Variants in ZNF33B observed in about 807,000 individuals in gnomAD.
The protein encoded by ZNF33B is zinc finger protein 11b (KOX 2).
In ZNF33B, 29 loss-of-function variants were observed where a neutral mutation model predicts 45.8. The ratio of observed to expected loss-of-function variants is 0.63; its 90% CI spans 0.47 to 0.86. The LOEUF is 0.86. ZNF33B is among the 40% of genes least tolerant of loss of function. ZNF33B has a pLI of 0.00. For synonymous variants in ZNF33B, 305 were observed against 307.8 expected, an observed-to-expected ratio of 0.99 and a Z score of 0.10; for missense variants, 831 against 909.9, an observed-to-expected ratio of 0.91 and a Z score of 1.12.
chr10:42,605,670 A>C (rs1837810726), intron 4 of ZNF33B, among the ~76,000 whole-genome samples: 3 of 152,184 alleles, frequency 2.0e-5, no homozygotes, highest in Non-Finnish European at 4.4e-5. Flanking sequence ...GGTAAAGGCA[A>C]TGATACGAGA....
At chr10:42,627,423 T>C (rs534296831) in intron 4 of ZNF33B, among the ~76,000 whole-genome samples, 2 of 152,360 alleles carry the variant, frequency 1.3e-5, no homozygotes, top group Admixed American at 1.3e-4. Flanking sequence ...TCATCTCATT[T>C]TATATTTTTA....
chr10:42,594,225 G>A lies in ZNF33B; in HGVS notation c.725C>T (p.Ala242Val). Reference protein sequence around the residue: ...AVFNTRKRENAEENNCDYNEF... With the variant: ...AVFNTRKRENVEENNCDYNEF... ...ATTATAGTCACAGTTATTCTCTTCT[G>A]CATTCTCTCTCTTCCGTGTATTGAA... Residue 242 changes from alanine (A) to valine (V), a missense_variant, in exon 5 of 5, where the codon GCA becomes GTA. By Grantham distance (64) the Ala-to-Val change is moderately conservative (BLOSUM62 0). Transcript: ENST00000359467. 1 of 1,613,638 alleles carries A rather than the reference G, an allele frequency of 6.2e-7. No homozygotes were observed. Among genetic ancestry groups the A allele is most frequent in the Non-Finnish European group, 8.5e-7 (1 of 1,179,896 alleles).
In ZNF33B at chr10:42,594,021, A is replaced by C; in HGVS notation, c.929T>G (p.Phe310Cys). The C allele has an allele frequency of 1.9e-6, 3 of 1,614,068 alleles. No individual in the cohort carries two copies. Among genetic ancestry groups the C allele is most frequent in the Non-Finnish European group, 2.5e-6 (3 of 1,179,960 alleles). ...HYDCGESGNN[F>C]RRKLCLSQLQ... is the part of the protein sequence containing the mutation. ...CTGTGACAGACACAATTTCCTCCTG[A>C]AATTATTCCCACTTTCACCACAATC... Residue 310 changes from phenylalanine (F) to cysteine (C), a missense_variant, in exon 5 of 5, where the codon TTC becomes TGC. By Grantham distance (205) the Phe-to-Cys change is radical. Coordinates refer to ENST00000359467, the MANE Select transcript of ZNF33B (RefSeq NM_006955.3).
chr10:42,581,205 G>A (rs948295749), intron 1 of ZNF33B, among the ~76,000 whole-genome samples: 19 of 152,060 alleles, frequency 1.2e-4, no homozygotes, highest in African/African-American at 4.6e-4. Flanking sequence ...TGTGGCCCGG[G>A]CTGGGGGCAG....
At chr10:42,623,286 T>C (rs755439810) in intron 4 of ZNF33B, among the ~76,000 whole-genome samples, 29 of 152,182 alleles carry the variant, frequency 1.9e-4, no homozygotes, top group Non-Finnish European at 3.4e-4. Context: ...TCTGTGTATA[T>C]ATACACATTA....
downstream of ZNF33B, among the ~76,000 whole-genome samples, chr10:42,585,125 C>G (rs1240053912): frequency 6.6e-6 from 1 of 152,228 alleles, no homozygotes; most frequent in East Asian, 1.9e-4. Context: ...CTTGGAAACC[C>G]AAAAGGAGCA....
At chr10:42,583,928 C>A (rs1269594479) in intron 1 of ZNF33B, among the ~76,000 whole-genome samples, 1 of 152,206 alleles carries the variant, frequency 6.6e-6, no homozygotes, top group Non-Finnish European at 1.5e-5. Flanking sequence ...GAGGCAGCCC[C>A]GTGAATTCCC....
At chr10:42,626,243 T>C (rs921804946) in intron 4 of ZNF33B, among the ~76,000 whole-genome samples, 32 of 152,262 alleles carry the variant, frequency 2.1e-4, no homozygotes, top group Non-Finnish European at 4.6e-4. Context: ...TTGTTTATAG[T>C]GTATACTTTT....
chr10:42,595,314 A>G lies in ZNF33B; in HGVS notation c.251-615T>C, dbSNP rs1444354663. ...ATGCTCAGAAGATGTCTGAATTCAC[A>G]TAGATTAAAGCTCAGGCTACTGGGA... On this transcript the variant is annotated intron_variant, in intron 4 of 4. Transcript: ENST00000359467. Among the ~76,000 whole-genome samples, 4 of 152,348 alleles carry G rather than the reference A, an allele frequency of 2.6e-5. No individual in the cohort carries two copies. In the East Asian group the frequency reaches 5.8e-4, roughly 22 times the overall value.
chr10:42,578,333 A>C (rs1240415245), intron 1 of ZNF33B, among the ~76,000 whole-genome samples: 1 of 152,212 alleles, frequency 6.6e-6, no homozygotes, highest in Non-Finnish European at 1.5e-5. Flanking sequence ...TCGGCACAGC[A>C]CTGGGGTATC....
intron 1 of ZNF33B, chr10:42,578,666 G>A (rs1836781996): frequency 1.3e-5 from 2 of 152,596 alleles, no homozygotes; most frequent in Admixed American, 6.5e-5. Context: ...TCACTACTCA[G>A]GCTCCAGGTC....
chr10:42,625,646 T>C (rs1230798426), intron 4 of ZNF33B, among the ~76,000 whole-genome samples: 1 of 152,232 alleles, frequency 6.6e-6, no homozygotes, highest in East Asian at 1.9e-4. Context: ...GCTAATTTTG[T>C]ATTTTTAGTA....
intron 4 of ZNF33B, among the ~76,000 whole-genome samples, chr10:42,628,994 G>A (rs537617549): frequency 4.6e-5 from 7 of 152,168 alleles, no homozygotes; most frequent in Non-Finnish European, 1.0e-4. Flanking sequence ...ACATCAATGA[G>A]ATATCTCTGC....
At chr10:42,607,041 T>C (rs1837890823) in intron 4 of ZNF33B, among the ~76,000 whole-genome samples, 1 of 152,098 alleles carries the variant, frequency 6.6e-6, no homozygotes, top group Admixed American at 6.6e-5. Flanking sequence ...TTTGGAGCAT[T>C]TGAGATTTTC....
chr10:42,622,888 G>A (rs1476879246), intron 4 of ZNF33B, among the ~76,000 whole-genome samples: 2 of 152,182 alleles, frequency 1.3e-5, no homozygotes, highest in African/African-American at 4.8e-5. Context: ...ATGTTTAGAA[G>A]AAATGTTCAG....
intron 4 of ZNF33B, among the ~76,000 whole-genome samples, chr10:42,602,888 G>C (rs1319625797): frequency 6.6e-6 from 1 of 151,952 alleles, no homozygotes; most frequent in Non-Finnish European, 1.5e-5. Flanking sequence ...AACATTCATG[G>C]AGGCCCCTTT....
rs755373529 is a variant in ZNF33B, at chr10:42,593,254, A to C, written c.1696T>G (p.Ser566Ala). Residue 566 changes from serine (S) to alanine (A), a missense_variant, in exon 5 of 5, where the codon TCA (serine) becomes GCA (alanine). Ser to Ala is a moderately conservative substitution (Grantham distance 99). Transcript: ENST00000359467. Reference sequence around the variant, plus strand: ...GTTCTATAATGTTGAGAGAGGGTTGACTTATGGCTAAAGAATTTCCCACAT... The same window carrying C: ...GTTCTATAATGTTGAGAGAGGGTTGCCTTATGGCTAAAGAATTTCCCACAT... ...PECGKFFSHK[S>A]TLSQHYRTHT... is the part of the protein sequence containing the mutation. 1 of 1,613,904 alleles carries C rather than the reference A, an allele frequency of 6.2e-7. No individual in the cohort carries two copies. The highest frequency in any genetic ancestry group is 1.7e-5 in the Admixed American group (1 of 59,844).
At chr10:42,599,055 C>T (rs1017430602) in intron 4 of ZNF33B, among the ~76,000 whole-genome samples, 2 of 152,028 alleles carry the variant, frequency 1.3e-5, no homozygotes, top group African/African-American at 4.8e-5. Context: ...TGGAGCAAGC[C>T]GTAATAGCTG....
At chr10:42,632,095 C>T in intron 3 of ZNF33B, 71 bp from the exon 4 acceptor site, 1 of 1,536,286 alleles carries the variant, frequency 6.5e-7, no homozygotes, top group Non-Finnish European at 9.0e-7. Context: ...CAGGAAGAAG[C>T]TTCTGGGGCT....
Sources: allele counts gnomAD v4.1 joint callset (sites outside exome capture counted in the v4.1 genomes callset), GRCh38; gene constraint gnomAD v4.1.1; transcripts MANE v1.5; gene names NCBI Gene and HGNC (gene_info 2026-07-23, HGNC 2026-07-21).